Variants in CDH23 observed in about 807,000 individuals in gnomAD.
CDH23 encodes the protein cadherin related 23, also known as cadherin-23.
Under a neutral mutation model 317.1 loss-of-function variants are expected in CDH23, and 189 were observed. The observed-to-expected ratio is 0.60, with a 90% CI of 0.53 to 0.67. The LOEUF is 0.67. CDH23 is among the 30% of genes least tolerant of loss of function. The pLI, the probability that CDH23 is intolerant of heterozygous loss-of-function variation, is 0.00. For synonymous variants in CDH23, 1,839 were observed against 1,876.8 expected, an observed-to-expected ratio of 0.98 and a Z score of 0.52; for missense variants, 4,401 against 4,592.4, an observed-to-expected ratio of 0.96 and a Z score of 1.20.
intron 14 of CDH23, among the ~76,000 whole-genome samples, chr10:71,671,748 C>A (rs1220050953): frequency 6.6e-6 from 1 of 152,136 alleles, no homozygotes; most frequent in African/African-American, 2.4e-5. Context: ...TCTGGGAATA[C>A]GAAGACCAGC....
At chr10:71,471,439 C>T (rs1470191081) in intron 3 of CDH23, among the ~76,000 whole-genome samples, 3 of 152,204 alleles carry the variant, frequency 2.0e-5, no homozygotes, top group African/African-American at 7.2e-5. Context: ...CCGTCTCCCA[C>T]TCAGCAGTGA....
At chr10:71,683,242 C>T (rs1041019585) in intron 18 of CDH23, among the ~76,000 whole-genome samples, 4 of 152,188 alleles carry the variant, frequency 2.6e-5, no homozygotes, top group Non-Finnish European at 4.4e-5. Flanking sequence ...GTGCATGCAC[C>T]GCCTGCCCCC....
At chr10:71,585,116 G>T (rs191525322) in intron 9 of CDH23, among the ~76,000 whole-genome samples, 1 of 152,166 alleles carries the variant, frequency 6.6e-6, no homozygotes, top group Non-Finnish European at 1.5e-5. Flanking sequence ...TGTCCTTGCC[G>T]CGGGGAGGTC....
At chr10:71,430,106 A>G (rs897614081) in intron 1 of CDH23, among the ~76,000 whole-genome samples, 5 of 151,114 alleles carry the variant, frequency 3.3e-5, no homozygotes, top group African/African-American at 1.2e-4. Context: ...ACTGGCAGTG[A>G]CCCCAGTGAG....
chr10:71,512,921 A>T (rs1388129038), intron 6 of CDH23, among the ~76,000 whole-genome samples: 3 of 152,192 alleles, frequency 2.0e-5, no homozygotes, highest in Non-Finnish European at 4.4e-5. Context: ...GAATGACAGG[A>T]GTTAGAACTA....
chr10:71,800,951 C>T (rs1168292776), intron 53 of CDH23, among the ~76,000 whole-genome samples, 196 bp downstream of exon 53: 1 of 152,122 alleles, frequency 6.6e-6, no homozygotes, highest in South Asian at 2.1e-4. Context: ...GACAGGGACC[C>T]TCTGGGAGAA....
At chr10:71,810,627 T>C in intron 62 of CDH23, 58 bp downstream of exon 62, 2 of 1,503,928 alleles carry the variant, frequency 1.3e-6, no homozygotes, top group South Asian at 1.1e-5. Flanking sequence ...CTCCCTGCCC[T>C]GGAGTAGGGG....
chr10:71,461,072 G>A (rs1028706039), intron 3 of CDH23, among the ~76,000 whole-genome samples: 13 of 152,212 alleles, frequency 8.5e-5, no homozygotes, highest in Non-Finnish European at 5.9e-5. Context: ...CCCCTCGTGG[G>A]GACCTGGAAG....
intron 23 of CDH23, 102 bp downstream of exon 23, chr10:71,702,313 G>A: frequency 7.6e-7 from 1 of 1,318,408 alleles, no homozygotes; most frequent in Non-Finnish European, 1.1e-6. Context: ...GGAGGTCTAT[G>A]TCTGATCACC....
chr10:71,424,781 A>G (rs950870745), intron 1 of CDH23, among the ~76,000 whole-genome samples: 7 of 152,256 alleles, frequency 4.6e-5, no homozygotes, highest in African/African-American at 1.7e-4. Flanking sequence ...CACACACAGC[A>G]GAGCTCCAGC....
intron 1 of CDH23, among the ~76,000 whole-genome samples, chr10:71,435,731 G>T (rs1277304623): frequency 6.6e-6 from 1 of 152,226 alleles, no homozygotes; most frequent in Non-Finnish European, 1.5e-5. Flanking sequence ...GGTGGAGGAA[G>T]CCACTTGGCT....
At chr10:71,755,216 G>A (rs1362923078) in intron 38 of CDH23, 1 of 826,672 alleles carries the variant, frequency 1.2e-6, no homozygotes, top group Non-Finnish European at 1.9e-6. Flanking sequence ...CCCAGCTCCT[G>A]GCGGGAAGTG....
intron 6 of CDH23, among the ~76,000 whole-genome samples, chr10:71,532,659 C>G (rs114752701): frequency 0.013 from 2,000 of 151,928 alleles, 50 homozygotes; most frequent in African/African-American, 0.046. Context: ...TATACTAAGG[C>G]CTTCTGATGA....
At chr10:71,521,397 A>G (rs1235588356) in intron 6 of CDH23, among the ~76,000 whole-genome samples, 1 of 152,106 alleles carries the variant, frequency 6.6e-6, no homozygotes, top group African/African-American at 2.4e-5. Context: ...GTCTGAGCCC[A>G]CACTTCCCAC....
intron 3 of CDH23, among the ~76,000 whole-genome samples, chr10:71,458,944 T>C (rs6480522): frequency 0.21 from 31,576 of 150,836 alleles, 3,853 homozygotes; most frequent in African/African-American, 0.33. Context: ...CCTGCCACCA[T>C]GCCCAGCTAA....
At chr10:71,609,987 T>TGAGA (rs1240379280) in intron 9 of CDH23, among the ~76,000 whole-genome samples, 4 of 130,104 alleles carry the variant, frequency 3.1e-5, no homozygotes, top group South Asian at 2.3e-4. Flanking sequence ...TGTGTGTGTG[T>TGAGA]GTGTGTGTGA....
intron 38 of CDH23, among the ~76,000 whole-genome samples, chr10:71,776,929 G>A (rs1354923332): frequency 1.3e-5 from 2 of 152,380 alleles, no homozygotes; most frequent in Middle Eastern, 3.4e-3. Context: ...AGAAAGGCAG[G>A]AAGCAGGAGC....
At chr10:71,689,139 AGGG>A (rs1564734111) in intron 19 of CDH23, among the ~76,000 whole-genome samples, 1 of 133,114 alleles carries the variant, frequency 7.5e-6, no homozygotes, top group African/African-American at 2.6e-5. Context: ...TGGTGGAGCC[AGGG>A]GTGGTGGAGT....
chr10:71,693,493 C>T (rs1412490339), intron 20 of CDH23, among the ~76,000 whole-genome samples: 1 of 152,168 alleles, frequency 6.6e-6, no homozygotes, highest in African/African-American at 2.4e-5. Context: ...TATTTTATAA[C>T]TATTAATTAT....
Sources: gnomAD v4.1 joint callset for allele counts (sites outside exome capture counted in the v4.1 genomes callset) on GRCh38, gnomAD v4.1.1 for gene constraint, MANE v1.5 for transcripts, NCBI Gene and HGNC (gene_info 2026-07-23, HGNC 2026-07-21) for gene names.